EWSR1: variants seen among roughly 807,000 people sequenced by gnomAD.
EWSR1 encodes EWS RNA binding protein 1.
In EWSR1, 14 loss-of-function variants were observed where a neutral mutation model predicts 92.1. The observed-to-expected ratio is 0.15, with a 90% CI of 0.10 to 0.24. EWSR1 has a LOEUF of 0.24. EWSR1 is among the 10% of genes least tolerant of loss of function. The probability of loss-of-function intolerance (pLI) is 1.00; values close to 1 mark genes in which losing one functional copy is unlikely to be tolerated. For synonymous variants in EWSR1, 303 were observed against 292.9 expected, an observed-to-expected ratio of 1.03 and a Z score of -0.35; for missense variants, 637 against 870.9, an observed-to-expected ratio of 0.73 and a Z score of 3.38.
At chr22:29,286,832 A>C in intron 6 of EWSR1, 91 bp from the exon 7 acceptor site, 1 of 892,934 alleles carries the variant, frequency 1.1e-6, no homozygotes, top group South Asian at 1.6e-5. Flanking sequence ...TCTGTGTCAC[A>C]TGGTGTGAAT....
intron 5 of EWSR1, among the ~76,000 whole-genome samples, chr22:29,278,684 G>A (rs1434301941): frequency 6.6e-6 from 1 of 152,166 alleles, no homozygotes; most frequent in Non-Finnish European, 1.5e-5. Flanking sequence ...AATTAGCCGG[G>A]CATGGTGGTG....
chr22:29,282,634 C>A, intron 6 of EWSR1, 77 bp downstream of exon 6: 1 of 1,252,246 alleles, frequency 8.0e-7, no homozygotes. Flanking sequence ...CTTGCTTTGA[C>A]TTCTTCAGCT....
rs2059689169 is a variant in EWSR1 at position 29,282,576 on chromosome 22, G to A, written c.581+19G>A. On this transcript the variant is annotated intron_variant, in intron 6 of 16. Transcript: ENST00000397938. Reference sequence around the variant, plus strand: ...CTACCAGGTCAGTCTACTTTTTGTGGCAAAACAAAAACAGTGACAAAACAG... The same window carrying A: ...CTACCAGGTCAGTCTACTTTTTGTGACAAAACAAAAACAGTGACAAAACAG... 2 of 1,491,268 alleles carry A rather than the reference G, an allele frequency of 1.3e-6. No individual in the cohort carries two copies. The highest frequency in any genetic ancestry group is 1.8e-6 in the Non-Finnish European group (2 of 1,124,716). The allele number at this position is 1,491,268 out of a possible 1,614,324, so 92.4% of individuals were successfully genotyped here. A position where few individuals can be genotyped will look rare whatever the true frequency, so the allele number is the denominator to read the frequency against.
intron 1 of EWSR1, among the ~76,000 whole-genome samples, chr22:29,270,168 A>G (rs1473006702): frequency 1.3e-5 from 2 of 152,236 alleles, no homozygotes; most frequent in African/African-American, 2.4e-5. Context: ...AGCAGCTTCC[A>G]TAGTGACTGC....
chr22:29,297,984 G>A lies in EWSR1; in HGVS notation c.1417+35G>A, dbSNP rs778861448. ...CTGAGCTCCTATGTTGCATTAAAAG[G>A]TTTTCAGTACACTTCATACCCTTGA... On this transcript the variant is annotated intron_variant, in intron 13 of 16. Transcript: ENST00000397938. 1.1e-5 allele frequency: 18 copies of A among 1,596,472 alleles called. No homozygotes were observed. The African/African-American group carries it at 1.5e-4, about 13-fold the overall frequency.
At chr22:29,292,244 G>GTT (rs2060494648) in intron 10 of EWSR1, 75 bp downstream of exon 10, 2 of 1,403,810 alleles carry the variant, frequency 1.4e-6, no homozygotes, top group African/African-American at 2.8e-5. Flanking sequence ...CATGCGTAGA[G>GTT]TTCAGCAGCC....
chr22:29,297,101 C>G (rs1321347673), intron 12 of EWSR1, among the ~76,000 whole-genome samples: 1 of 152,176 alleles, frequency 6.6e-6, no homozygotes, highest in Non-Finnish European at 1.5e-5. Context: ...GTCATGCAGT[C>G]AGCTTCCCAC....
chr22:29,276,771 C>G (rs900061227), intron 4 of EWSR1: 73 of 231,646 alleles, frequency 3.2e-4, no homozygotes, highest in African/African-American at 1.5e-3. Flanking sequence ...CCACCTCAGC[C>G]TCCCAAGTAG....
At chr22:29,291,691 G>C in intron 9 of EWSR1, 92 bp downstream of exon 9, 1 of 1,234,662 alleles carries the variant, frequency 8.1e-7, no homozygotes. Flanking sequence ...TTCATAAGTG[G>C]TTTAAAAATG....
intron 1 of EWSR1, 106 bp downstream of exon 1, chr22:29,268,455 G>A: frequency 1.3e-6 from 2 of 1,591,386 alleles, no homozygotes; most frequent in East Asian, 2.2e-5. Flanking sequence ...GTTGCCGAGA[G>A]GGGGTTGAGG....
Position 29,292,821 on chromosome 22 carries a change from A to G in EWSR1, c.1164+215A>G, listed in dbSNP as rs1005084850. On this transcript the variant is annotated intron_variant, in intron 11 of 16. Coordinates refer to ENST00000397938, the MANE Select transcript of EWSR1 (RefSeq NM_005243.4). ...TTCTTGGTGCCCAGGCTGGAGTGCA[A>G]TGGCGCAAGTCTTGGCTCACTGCAA... Among the ~76,000 whole-genome samples, 6 of 143,538 alleles carry G rather than the reference A, an allele frequency of 4.2e-5. 1 individual carries two copies. The highest frequency in any genetic ancestry group is 7.5e-3 in the Middle Eastern group (2 of 266). The allele number at this position is 143,538 out of a possible 152,430, so 94.2% of individuals were successfully genotyped here.
At chr22:29,286,056 G>A (rs2060001349) in intron 6 of EWSR1, among the ~76,000 whole-genome samples, 1 of 151,988 alleles carries the variant, frequency 6.6e-6, no homozygotes, top group Non-Finnish European at 1.5e-5. Flanking sequence ...AGCCAGGATG[G>A]TCTCGATCTC....
intron 11 of EWSR1, among the ~76,000 whole-genome samples, chr22:29,295,283 A>AAGT (rs1285070528): frequency 6.6e-6 from 1 of 152,104 alleles, no homozygotes; most frequent in Non-Finnish European, 1.5e-5. Context: ...CTGGTTAAGA[A>AAGT]AGTAGTATTT....
intron 6 of EWSR1, among the ~76,000 whole-genome samples, chr22:29,286,590 G>A (rs1049355058): frequency 1.1e-4 from 16 of 150,998 alleles, no homozygotes; most frequent in African/African-American, 1.7e-4. Context: ...GGGAGGCTGC[G>A]GCAGGAGAAT....
intron 11 of EWSR1, 142 bp from the exon 12 acceptor site, chr22:29,296,097 A>G: frequency 1.2e-6 from 1 of 863,402 alleles, no homozygotes. Context: ...TAGAATTCTG[A>G]AAAACTTAAA....
intron 16 of EWSR1, 67 bp downstream of exon 16, chr22:29,299,918 G>A (rs1569128753): frequency 6.5e-7 from 1 of 1,534,018 alleles, no homozygotes; most frequent in Non-Finnish European, 8.8e-7. Flanking sequence ...TCCCAGCTTG[G>A]TTGGCGCAAG....
chr22:29,270,231 G>T lies in EWSR1; in HGVS notation c.13+1882G>T, dbSNP rs144700692. Among the ~76,000 whole-genome samples the T allele has an allele frequency of 9.9e-5, 15 of 152,186 alleles. No individual in the cohort carries two copies. The East Asian group carries it at 2.9e-3, about 29-fold the overall frequency. ...TTAATAATAGAAGTTTTCTCTCCTC[G>T]TATGTTATCTCATGTAGAAAAGTAC... On this transcript the variant is annotated intron_variant, in intron 1 of 16. Coordinates refer to ENST00000397938, the MANE Select transcript of EWSR1 (RefSeq NM_005243.4).
chr22:29,278,232 C>T lies in EWSR1; in HGVS notation c.413+16C>T. 6.2e-7 allele frequency: 1 copy of T among 1,610,742 alleles called. No homozygotes were observed. Among genetic ancestry groups the T allele is most frequent in the South Asian group, 1.1e-5 (1 of 90,726 alleles). ...CACCTACAAGGTAAGGCCATGGTGT[C>T]CTTAATGCGTCAGTCTTATGTTGGA... On this transcript the variant is annotated intron_variant, in intron 5 of 16. Transcript: ENST00000397938.
At chr22:29,272,311 C>T (rs2058745059) in intron 2 of EWSR1, 59 bp downstream of exon 2, 9 of 1,609,262 alleles carry the variant, frequency 5.6e-6, no homozygotes, top group Non-Finnish European at 7.7e-6. Flanking sequence ...GAATATGGAG[C>T]CTTCTATAAT....
Sources: gnomAD v4.1 joint callset for allele counts (sites outside exome capture counted in the v4.1 genomes callset) on GRCh38, gnomAD v4.1.1 for gene constraint, MANE v1.5 for transcripts, NCBI Gene and HGNC (gene_info 2026-07-23, HGNC 2026-07-21) for gene names.